The following CDC37 variants were observed in gnomAD, a reference collection of about 807,000 sequenced individuals.
The protein encoded by CDC37 is hsp90 co-chaperone Cdc37.
A neutral mutation model predicts 46.9 loss-of-function variants in CDC37; 9 were observed. That is an observed-to-expected ratio of 0.19 (90% CI 0.12 to 0.33). The LOEUF (loss-of-function observed/expected upper bound fraction) is 0.33. Among genes scored for constraint, CDC37 ranks in the 10% least tolerant of loss-of-function variants. CDC37 has a pLI of 1.00. For synonymous variants in CDC37, 193 were observed against 191.0 expected, an observed-to-expected ratio of 1.01 and a Z score of -0.09; for missense variants, 388 against 514.6, an observed-to-expected ratio of 0.75 and a Z score of 2.38.
chr19:10,399,262 A>G (rs2042506117), intron 1 of CDC37, among the ~76,000 whole-genome samples: 1 of 151,730 alleles, frequency 6.6e-6, no homozygotes. Context: ...TGAGGTCAGG[A>G]GTTTGAAACC....
At chr19:10,397,559 C>T (rs1466465065) in intron 1 of CDC37, among the ~76,000 whole-genome samples, 10 of 151,968 alleles carry the variant, frequency 6.6e-5, no homozygotes, top group East Asian at 5.8e-4. Context: ...TACAGGCACG[C>T]GCCACCACGC....
At chr19:10,392,947 C>T (rs1021830622) in intron 7 of CDC37, 139 bp downstream of exon 7, 15 of 717,202 alleles carry the variant, frequency 2.1e-5, no homozygotes, top group Non-Finnish European at 3.5e-5. Flanking sequence ...TGGGTGTGTG[C>T]CAAGGTGACA....
chr19:10,392,872 G>A, intron 7 of CDC37: 2 of 596,186 alleles, frequency 3.4e-6, no homozygotes, highest in Non-Finnish European at 6.0e-6. Flanking sequence ...AGTCACGAAG[G>A]ACATGCGCTC....
rs2042492789 is a variant in CDC37 at position 10,396,399 on chromosome 19, C to T, written c.103-196G>A. On this transcript the variant is annotated intron_variant, in intron 1 of 7. Transcript: ENST00000222005. The surrounding 1 kb of genome is among the most constrained non-coding windows in gnomAD (Gnocchi z 5.9). The stretch of plus-strand genomic sequence containing the variant: ...TGGGGTCAGGTCCCTCCGTCCTCTG[C>T]TCAGAACCCTGGCGGCTCCCATCTC... 6.6e-6 allele frequency among the ~76,000 whole-genome samples: 1 copy of T among 152,218 alleles called. No individual in the cohort carries two copies. Among genetic ancestry groups the T allele is most frequent in the Non-Finnish European group, 1.5e-5 (1 of 68,046 alleles).
At position 10,391,457 on chromosome 19, in the gene CDC37, AG is replaced by A; in HGVS notation, c.*93del. On this transcript the variant is annotated 3_prime_UTR_variant, in exon 8 of 8. Transcript: ENST00000222005. ...AGGCTGGGCCGAGCAGCGCAAGTAGAGGAAGTCAGGAGCGGGCGAGATGGCA... is the reference window on the plus strand; with the variant it reads ...AGGCTGGGCCGAGCAGCGCAAGTAGAGAAGTCAGGAGCGGGCGAGATGGCA... 6.7e-7 allele frequency: 1 copy of A among 1,494,468 alleles called. No individual in the cohort carries two copies. The highest frequency in any genetic ancestry group is 1.1e-5 in the South Asian group (1 of 88,230). The allele number at this position is 1,494,468 out of a possible 1,614,324, so 92.6% of individuals were successfully genotyped here.
chr19:10,399,463 G>GAAAAA lies in CDC37; in HGVS notation c.103-3265_103-3261dup, dbSNP rs55717539. Reference sequence around the variant, plus strand: ...TGGGCGACAGAGCATGACCCTGTCTGAAAAAAAAAAAAAAAAAAAAAAAAA... The same window carrying GAAAAA: ...TGGGCGACAGAGCATGACCCTGTCTGAAAAAAAAAAAAAAAAAAAAAAAAAAAAAA... On this transcript the variant is annotated intron_variant, in intron 1 of 7. Coordinates refer to ENST00000222005, the MANE Select transcript of CDC37 (RefSeq NM_007065.4). Among the ~76,000 whole-genome samples the GAAAAA allele has an allele frequency of 5.5e-3, 210 of 38,160 alleles. 11 individuals carry two copies. The highest frequency in any genetic ancestry group is 7.2e-3 in the Non-Finnish European group (155 of 21,574). The allele number at this position is 38,160 out of a possible 152,430, so 25.0% of individuals were successfully genotyped here.
In CDC37 at chr19:10,391,441, C is replaced by A; in HGVS notation, c.*110G>T. On this transcript the variant is annotated 3_prime_UTR_variant, in exon 8 of 8. Transcript: ENST00000222005. ...GCTGGGCGGGCCCCCCAGGCTGGGC[C>A]GAGCAGCGCAAGTAGAGGAAGTCAG... is the stretch of plus-strand genomic sequence containing the variant. The A allele has an allele frequency of 7.2e-7, 1 of 1,391,306 alleles. No homozygotes were observed. The highest frequency in any genetic ancestry group is 1.0e-6 in the Non-Finnish European group (1 of 984,054). 86.2% of individuals were successfully genotyped at this position (1,391,306 alleles called of 1,614,324 possible).
In CDC37 at chr19:10,395,908, G is replaced by GCCCCCCCCCCCCCCCCCC; in HGVS notation, c.378+19_378+20insGGGGGGGGGGGGGGGGGG. The GCCCCCCCCCCCCCCCCCC allele has an allele frequency of 2.3e-6, 1 of 431,272 alleles. No homozygotes were observed. Among genetic ancestry groups the GCCCCCCCCCCCCCCCCCC allele is most frequent in the South Asian group, 2.5e-5 (1 of 40,126 alleles). The allele number at this position is 431,272 out of a possible 1,614,324, so 26.7% of individuals were successfully genotyped here. On this transcript the variant is annotated intron_variant, in intron 2 of 7. Transcript: ENST00000222005. Reference sequence around the variant, plus strand: ...CTCTGGCTGCGCATGCGCACTGCCCGCCCCGCCCGCCCCGCACACCTTGCT... The same window carrying GCCCCCCCCCCCCCCCCCC: ...CTCTGGCTGCGCATGCGCACTGCCCGCCCCCCCCCCCCCCCCCCCCCCGCCCGCCCCGCACACCTTGCT...
chr19:10,396,345 G>A lies in CDC37; in HGVS notation c.103-142C>T. On this transcript the variant is annotated intron_variant, in intron 1 of 7. Coordinates refer to ENST00000222005, the MANE Select transcript of CDC37 (RefSeq NM_007065.4). This position sits in a 1 kb window ranked among gnomAD's most constrained non-coding sequence, Gnocchi z 5.9. ...CCCTGGTCTCCCAGCTTCCGCCCCT[G>A]CGCCCACAGGTGCCAGCGCACACCC... 1.0e-6 allele frequency: 1 copy of A among 964,390 alleles called. No individual in the cohort carries two copies. Among genetic ancestry groups the A allele is most frequent in the Non-Finnish European group, 1.5e-6 (1 of 660,626 alleles). 59.7% of individuals were successfully genotyped at this position (964,390 alleles called of 1,614,324 possible). A position where few individuals can be genotyped will look rare whatever the true frequency, so the allele number is the denominator to read the frequency against.
intron 1 of CDC37, among the ~76,000 whole-genome samples, chr19:10,402,089 A>G (rs1281712537): frequency 6.9e-6 from 1 of 145,180 alleles, no homozygotes; most frequent in Non-Finnish European, 1.5e-5. Context: ...CCCGGGAGGC[A>G]GAGGTTGCAG....
rs2042466613 is a variant in CDC37 at position 10,393,074 on chromosome 19, G to A, written c.981+12C>T. 6.2e-7 allele frequency: 1 copy of A among 1,612,418 alleles called. No homozygotes were observed. Among genetic ancestry groups the A allele is most frequent in the African/African-American group, 1.3e-5 (1 of 74,892 alleles). On this transcript the variant is annotated intron_variant, in intron 7 of 7. Transcript: ENST00000222005. This position sits in a 1 kb window ranked among gnomAD's most constrained non-coding sequence, Gnocchi z 4.9. ...GCCCGCCGGGAAGGCATGGGGCGCGGGGGTTACTCACGGTGGGGTCCATCT... is the reference window on the plus strand; with the variant it reads ...GCCCGCCGGGAAGGCATGGGGCGCGAGGGTTACTCACGGTGGGGTCCATCT...
intron 1 of CDC37, among the ~76,000 whole-genome samples, chr19:10,402,251 A>G (rs181559521): frequency 1.3e-5 from 2 of 151,732 alleles, no homozygotes; most frequent in African/African-American, 2.4e-5. Context: ...TAAACCTTTA[A>G]GTCTTAGTCA....
At chr19:10,399,885 T>C (rs2042509614) in intron 1 of CDC37, among the ~76,000 whole-genome samples, 1 of 136,548 alleles carries the variant, frequency 7.3e-6, no homozygotes, top group South Asian at 2.3e-4. Flanking sequence ...TGAGCCGAGA[T>C]GGCACCACTG....
chr19:10,394,907 CG>C, intron 5 of CDC37, 113 bp downstream of exon 5: 1 of 1,142,186 alleles, frequency 8.8e-7, no homozygotes, highest in Non-Finnish European at 1.2e-6. Context: ...ATCTAGGATG[CG>C]GTGACTGGAG....
rs745696526 is a variant in CDC37 at position 10,396,078 on chromosome 19, G to A, written c.228C>T (p.Gly76=). 2.1e-5 allele frequency: 34 copies of A among 1,613,768 alleles called. No homozygotes were observed. The highest frequency in any genetic ancestry group is 2.0e-4 in the African/African-American group (15 of 74,858). The change falls in exon 2 of 8, where the codon GGC becomes GGT. Residue 76 remains glycine (G), a synonymous_variant. Coordinates refer to ENST00000222005, the MANE Select transcript of CDC37 (RefSeq NM_007065.4). The surrounding 1 kb of genome is among the most constrained non-coding windows in gnomAD (Gnocchi z 5.9). ...RKLKELEVAE[G]GKAELERLQA... is the part of the protein sequence containing the mutation. ...GCAGGCGCTCCAGCTCTGCCTTGCC[G>A]CCCTCGGCCACCTCCAGCTCCTTCA...
intron 1 of CDC37, among the ~76,000 whole-genome samples, chr19:10,397,070 C>T (rs1489164895): frequency 1.3e-5 from 2 of 152,154 alleles, no homozygotes; most frequent in Non-Finnish European, 2.9e-5. Flanking sequence ...AATTCCCTGC[C>T]TCCTCAACAT....
At position 10,393,704 on chromosome 19, in the gene CDC37, T is replaced by C. The variant is rs191478914; in HGVS notation, c.727-263A>G. On this transcript the variant is annotated intron_variant, in intron 5 of 7. Coordinates refer to ENST00000222005, the MANE Select transcript of CDC37 (RefSeq NM_007065.4). The surrounding 1 kb of genome is among the most constrained non-coding windows in gnomAD (Gnocchi z 4.9). ...CTCAGTGTCCCTGCATGGGCACCTC[T>C]AACTCAACATGGCCACCTCCCAGCC... 2 of 442,306 alleles carry C rather than the reference T, an allele frequency of 4.5e-6. No homozygotes were observed. Among genetic ancestry groups the C allele is most frequent in the Admixed American group, 7.9e-5 (2 of 25,210 alleles). 27.4% of individuals were successfully genotyped at this position (442,306 alleles called of 1,614,324 possible).
Position 10,393,219 on chromosome 19 carries a change from CA to C in CDC37, c.909+39del. ...CCCTGTGGCCCTGGGGGGTCCCGCT[CA>C]GGGTCTTCCTGCTGCCCGCCTGGGC... On this transcript the variant is annotated intron_variant, in intron 6 of 7. Transcript: ENST00000222005. This position sits in a 1 kb window ranked among gnomAD's most constrained non-coding sequence, Gnocchi z 4.9. 6.2e-7 allele frequency: 1 copy of C among 1,612,852 alleles called. No individual in the cohort carries two copies. Among genetic ancestry groups the C allele is most frequent in the South Asian group, 1.1e-5 (1 of 91,048 alleles).
intron 5 of CDC37, among the ~76,000 whole-genome samples, chr19:10,394,655 GC>G (rs1328326818): frequency 6.6e-6 from 1 of 151,958 alleles, no homozygotes; most frequent in Admixed American, 6.6e-5. Flanking sequence ...TCCTGCCTCA[GC>G]CCCCCGAGTA....
Sources: gnomAD v4.1 joint callset for allele counts (sites outside exome capture counted in the v4.1 genomes callset) on GRCh38, gnomAD v4.1.1 for gene constraint, Gnocchi (gnomAD v3.1) non-coding constraint, MANE v1.5 for transcripts, NCBI Gene and HGNC (gene_info 2026-07-23, HGNC 2026-07-21) for gene names.